The following NCAM1 variants were observed in gnomAD, a reference collection of about 807,000 sequenced individuals.
NCAM1 encodes the protein neural cell adhesion molecule 1.
NCAM1 carries 14 observed loss-of-function variants against 109.8 expected under a neutral mutation model. The ratio of observed to expected loss-of-function variants is 0.13; its 90% CI spans 0.08 to 0.20. NCAM1 has a LOEUF of 0.20. NCAM1 is among the 10% of genes least tolerant of loss of function. The pLI, the probability that NCAM1 is intolerant of heterozygous loss-of-function variation, is 1.00. For missense variants in NCAM1, 774 were observed against 1,109.9 expected (o/e 0.70, Z 4.30); for synonymous variants, 418 against 442.9 (o/e 0.94, Z 0.70).
chr11:113,167,744 T>C (rs551376132), intron 1 of NCAM1, among the ~76,000 whole-genome samples: 1 of 152,290 alleles, frequency 6.6e-6, no homozygotes, highest in South Asian at 2.1e-4. Flanking sequence ...TTCACATAAC[T>C]CAGCTCAAAA....
intron 1 of NCAM1, among the ~76,000 whole-genome samples, chr11:113,151,782 A>C (rs1555102490): frequency 6.6e-6 from 1 of 152,240 alleles, no homozygotes; most frequent in African/African-American, 2.4e-5. Flanking sequence ...GAGCTTTGTT[A>C]CTCATCGGTT....
chr11:112,994,795 G>A lies in NCAM1; in HGVS notation c.52+33131G>A, dbSNP rs551578546. ...ATTTTCTACAGAGTTTCTTTACCCTGCTTCTTTAGGCACTATTTTGTACCT... is the reference window on the plus strand; with the variant it reads ...ATTTTCTACAGAGTTTCTTTACCCTACTTCTTTAGGCACTATTTTGTACCT... On this transcript the variant is annotated intron_variant, in intron 1 of 19. Transcript: ENST00000316851. Among the ~76,000 whole-genome samples, 3 of 152,250 alleles carry A rather than the reference G, an allele frequency of 2.0e-5. No individual in the cohort carries two copies. In the East Asian group the frequency reaches 5.8e-4, roughly 29 times the overall value.
intron 17 of NCAM1, chr11:113,263,019 G>T: frequency 6.5e-7 from 1 of 1,532,230 alleles, no homozygotes; most frequent in Non-Finnish European, 8.8e-7. Flanking sequence ...GACCACCATG[G>T]CCACAGCTGC....
intron 7 of NCAM1, among the ~76,000 whole-genome samples, chr11:113,209,781 C>T (rs1158329271): frequency 6.6e-6 from 1 of 152,310 alleles, no homozygotes; most frequent in South Asian, 2.1e-4. Flanking sequence ...TTTGAAATGA[C>T]AACACATTAT....
At chr11:113,090,417 G>A (rs192627855) in intron 1 of NCAM1, among the ~76,000 whole-genome samples, 180 of 152,294 alleles carry the variant, frequency 1.2e-3, no homozygotes, top group African/African-American at 4.0e-3. Flanking sequence ...ACTACATAGC[G>A]CATTATTTCA....
Position 113,277,997 on chromosome 11 carries a change from G to A in NCAM1, c.*2610G>A, listed in dbSNP as rs1223146232. On this transcript the variant is annotated 3_prime_UTR_variant, in exon 20 of 20. Transcript: ENST00000316851. ...ATTTTTGAAGGAGGGATCAACTCCAGTTTCCAATGTCTATGTGTCTATGTG... is the reference window on the plus strand; with the variant it reads ...ATTTTTGAAGGAGGGATCAACTCCAATTTCCAATGTCTATGTGTCTATGTG... The A allele has an allele frequency of 6.6e-6, 1 of 151,984 alleles. No homozygotes were observed. Among genetic ancestry groups the A allele is most frequent in the Non-Finnish European group, 1.5e-5 (1 of 68,026 alleles). The allele number at this position is 151,984 out of a possible 1,614,324, so 9.4% of individuals were successfully genotyped here.
At chr11:113,002,836 A>C (rs1279019502) in intron 1 of NCAM1, among the ~76,000 whole-genome samples, 1 of 152,224 alleles carries the variant, frequency 6.6e-6, no homozygotes, top group African/African-American at 2.4e-5. Flanking sequence ...AGTTTATGCA[A>C]ATTTTGGATT....
intron 1 of NCAM1, among the ~76,000 whole-genome samples, chr11:112,999,550 A>G (rs953677147): frequency 2.0e-5 from 3 of 151,952 alleles, no homozygotes; most frequent in Non-Finnish European, 2.9e-5. Flanking sequence ...TCTGCATTTC[A>G]TGTTTTGCAG....
At chr11:113,260,346 T>C in intron 17 of NCAM1, 23 bp downstream of exon 17, 4 of 1,605,584 alleles carry the variant, frequency 2.5e-6, no homozygotes, top group Non-Finnish European at 2.5e-6. Context: ...CTGCTTTCTG[T>C]TTGTTTCCGC....
intron 14 of NCAM1, chr11:113,240,591 G>T: frequency 1.6e-6 from 1 of 607,140 alleles, no homozygotes; most frequent in Non-Finnish European, 2.9e-6. Context: ...ACAGTCTCAA[G>T]GTTTGACGTT....
intron 1 of NCAM1, among the ~76,000 whole-genome samples, chr11:113,117,393 C>A (rs2011487): frequency 0.5 from 75,135 of 151,648 alleles, 19,622 homozygotes; most frequent in Middle Eastern, 0.55. Flanking sequence ...AACGCCTTCC[C>A]CTCTTCTCAG....
At chr11:113,148,198 CG>C (rs1942089373) in intron 1 of NCAM1, among the ~76,000 whole-genome samples, 1 of 152,108 alleles carries the variant, frequency 6.6e-6, no homozygotes, top group Admixed American at 6.5e-5. Flanking sequence ...GCAGTTCGGA[CG>C]TGCAGGTGTG....
intron 1 of NCAM1, among the ~76,000 whole-genome samples, chr11:113,148,863 A>G (rs782705063): frequency 3.9e-5 from 6 of 152,170 alleles, no homozygotes; most frequent in African/African-American, 9.7e-5. Context: ...CTGCACAGCC[A>G]TATGAATGGG....
At chr11:113,195,495 ATTTTTTTTTTT>A (rs561856662) in intron 1 of NCAM1, among the ~76,000 whole-genome samples, 1 of 85,584 alleles carries the variant, frequency 1.2e-5, no homozygotes, top group Non-Finnish European at 2.0e-5. Context: ...CCCTTAGTAG[ATTTTTTTTTTT>A]TTTTTTTTTT....
chr11:113,121,225 C>CTTTTTT (rs3051885), intron 1 of NCAM1, among the ~76,000 whole-genome samples: 2,020 of 125,238 alleles, frequency 0.016, 109 homozygotes, highest in African/African-American at 0.031. Context: ...CAACACCAAT[C>CTTTTTT]TTTTTTTTTT....
intron 1 of NCAM1, among the ~76,000 whole-genome samples, chr11:113,000,847 T>TATATATATATACAC (rs1306306918): frequency 8.8e-6 from 1 of 113,578 alleles, no homozygotes; most frequent in African/African-American, 3.5e-5. Context: ...TATATATATA[T>TATATATATATACAC]ACACAAAAAA....
At chr11:112,993,043 C>G (rs1021067818) in intron 1 of NCAM1, among the ~76,000 whole-genome samples, 2 of 152,198 alleles carry the variant, frequency 1.3e-5, no homozygotes, top group African/African-American at 4.8e-5. Flanking sequence ...TATGATTCCT[C>G]TGTTGGTTAA....
chr11:113,041,680 G>GA (rs3839947), intron 1 of NCAM1, among the ~76,000 whole-genome samples: 39,213 of 151,368 alleles, frequency 0.26, 5,308 homozygotes, highest in South Asian at 0.47. Flanking sequence ...TATTGTGTCT[G>GA]AAAAAAAAAT....
chr11:113,155,101 G>T (rs1942361493), intron 1 of NCAM1, among the ~76,000 whole-genome samples: 1 of 152,180 alleles, frequency 6.6e-6, no homozygotes. Flanking sequence ...ATCCCAGGGA[G>T]GATGACATTA....
Sources: gnomAD v4.1 joint callset for allele counts (sites outside exome capture counted in the v4.1 genomes callset) on GRCh38, gnomAD v4.1.1 for gene constraint, MANE v1.5 for transcripts, NCBI Gene and HGNC (gene_info 2026-07-23, HGNC 2026-07-21) for gene names.